Variants in PXDNL observed in about 807,000 individuals in gnomAD.
The protein encoded by PXDNL is probable oxidoreductase PXDNL.
PXDNL carries 145 observed loss-of-function variants against 150.8 expected under a neutral mutation model. That is an observed-to-expected ratio of 0.96 (90% CI 0.84 to 1.10). The LOEUF is 1.10. Ranked by LOEUF, PXDNL falls within the 50% of genes least tolerant of loss-of-function variation. The pLI, the probability that PXDNL is intolerant of heterozygous loss-of-function variation, is 0.00. For synonymous variants in PXDNL, 757 were observed against 725.7 expected, an observed-to-expected ratio of 1.04 and a Z score of -0.69; for missense variants, 2,087 against 1,873.9, an observed-to-expected ratio of 1.11 and a Z score of -2.10.
At chr8:51,580,089 A>T (rs1448217358) in intron 3 of PXDNL, among the ~76,000 whole-genome samples, 1 of 152,032 alleles carries the variant, frequency 6.6e-6, no homozygotes, top group Non-Finnish European at 1.5e-5. Flanking sequence ...TTTCCATTTA[A>T]ATAACATTTT....
intron 1 of PXDNL, among the ~76,000 whole-genome samples, chr8:51,738,633 A>G: frequency 2.4e-3 from 1 of 422 alleles, no homozygotes; most frequent in East Asian, 0.25. Context: ...TGACAGTGTA[A>G]AAAAAAAAGG....
At chr8:51,464,962 A>C (rs1018356415) in intron 8 of PXDNL, among the ~76,000 whole-genome samples, 2 of 152,206 alleles carry the variant, frequency 1.3e-5, no homozygotes, top group Non-Finnish European at 2.9e-5. Flanking sequence ...TCACAGCCAA[A>C]TTTTACCTGA....
Position 51,453,638 on chromosome 8 carries a change from A to G in PXDNL, c.1130T>C (p.Val377Ala), listed in dbSNP as rs1316106664. 6.2e-7 allele frequency: 1 copy of G among 1,613,894 alleles called. No individual in the cohort carries two copies. Among genetic ancestry groups the G allele is most frequent in the African/African-American group, 1.3e-5 (1 of 74,932 alleles). ...NGLELDGSRH[V>A]ATSSGLYLQN... ...TAAGTAAAGTCCACTGGACGTTGCC[A>G]CGTGCCTGGATCCATCCAGCTCCAA... is the stretch of plus-strand genomic sequence containing the variant. Residue 377 changes from valine (V) to alanine (A), a missense_variant, in exon 10 of 23, where the codon GTG becomes GCG. Physicochemically the swap from Val to Ala is moderately conservative, Grantham distance 64 (BLOSUM62 0). Transcript: ENST00000356297.
chr8:51,587,831 G>T (rs558353293), intron 3 of PXDNL, among the ~76,000 whole-genome samples: 2 of 152,264 alleles, frequency 1.3e-5, no homozygotes, highest in South Asian at 4.1e-4. Flanking sequence ...AATATTTAAT[G>T]AGTAGTTCCT....
intron 1 of PXDNL, among the ~76,000 whole-genome samples, chr8:51,698,991 T>A (rs1816197430): frequency 6.6e-6 from 1 of 152,158 alleles, no homozygotes; most frequent in African/African-American, 2.4e-5. Flanking sequence ...AACCTTGCGG[T>A]AAAGAAATGT....
chr8:51,599,839 A>T (rs1813659592), intron 2 of PXDNL, among the ~76,000 whole-genome samples: 1 of 136,826 alleles, frequency 7.3e-6, no homozygotes, highest in Admixed American at 7.6e-5. Flanking sequence ...TTTAGATAAT[A>T]AATTATACCT....
chr8:51,554,501 A>C (rs4873562), intron 4 of PXDNL, among the ~76,000 whole-genome samples: 55,339 of 152,048 alleles, frequency 0.36, 11,330 homozygotes, highest in African/African-American at 0.54. Flanking sequence ...TCTTTATGTT[A>C]CACTTCCCTT....
chr8:51,655,535 C>A (rs1032786091), intron 1 of PXDNL, among the ~76,000 whole-genome samples: 8 of 152,140 alleles, frequency 5.3e-5, no homozygotes, highest in African/African-American at 1.9e-4. Flanking sequence ...TTAGGGACTG[C>A]TCTGCCTAGA....
intron 5 of PXDNL, among the ~76,000 whole-genome samples, chr8:51,484,384 G>A (rs911785012): frequency 4.0e-5 from 6 of 148,508 alleles, no homozygotes; most frequent in African/African-American, 1.5e-4. Flanking sequence ...TTAGTGAGCC[G>A]AGATTGCACC....
intron 1 of PXDNL, among the ~76,000 whole-genome samples, chr8:51,677,741 T>C (rs1353088660): frequency 6.6e-6 from 1 of 152,254 alleles, no homozygotes; most frequent in African/African-American, 2.4e-5. Context: ...CTACTTCATA[T>C]AAAATCTTTT....
intron 2 of PXDNL, among the ~76,000 whole-genome samples, chr8:51,612,729 G>T (rs1334241442): frequency 6.6e-6 from 1 of 152,202 alleles, no homozygotes; most frequent in East Asian, 1.9e-4. Flanking sequence ...TCCTGGAAGA[G>T]CCCTCGCCAG....
At chr8:51,741,967 C>T (rs930842032) in intron 1 of PXDNL, among the ~76,000 whole-genome samples, 1 of 152,152 alleles carries the variant, frequency 6.6e-6, no homozygotes, top group Non-Finnish European at 1.5e-5. Flanking sequence ...ATTCATAACA[C>T]CCAAAATGTG....
chr8:51,715,323 CA>C lies in PXDNL; in HGVS notation c.165-60564del, dbSNP rs1816592114. On this transcript the variant is annotated intron_variant, in intron 1 of 22. Coordinates refer to ENST00000356297, the MANE Select transcript of PXDNL (RefSeq NM_144651.5). ...ATAAGATACACCTGATTTTGAATGGCAAAACAGAGAGGGTGAGAGATTGAGT... is the reference window on the plus strand; with the variant it reads ...ATAAGATACACCTGATTTTGAATGGCAAACAGAGAGGGTGAGAGATTGAGT... Among the ~76,000 whole-genome samples the C allele has an allele frequency of 7.2e-5, 11 of 152,202 alleles. No individual in the cohort carries two copies. In the South Asian group the frequency reaches 2.3e-3, roughly 32 times the overall value.
At chr8:51,732,672 C>T (rs897263795) in intron 1 of PXDNL, among the ~76,000 whole-genome samples, 3 of 152,150 alleles carry the variant, frequency 2.0e-5, no homozygotes, top group Non-Finnish European at 4.4e-5. Flanking sequence ...ACTCACATTT[C>T]CACATAGCTG....
intron 1 of PXDNL, among the ~76,000 whole-genome samples, chr8:51,805,646 T>C (rs1412054832): frequency 6.6e-6 from 1 of 152,030 alleles, no homozygotes. Flanking sequence ...AAGAAAGCTT[T>C]CCACATAAAG....
At chr8:51,579,551 C>A (rs1367803549) in intron 3 of PXDNL, among the ~76,000 whole-genome samples, 1 of 151,958 alleles carries the variant, frequency 6.6e-6, no homozygotes, top group Non-Finnish European at 1.5e-5. Context: ...TAAAACCAAA[C>A]ATCCAATTAC....
chr8:51,660,181 C>T (rs545820220), intron 1 of PXDNL, among the ~76,000 whole-genome samples: 8 of 101,526 alleles, frequency 7.9e-5, no homozygotes, highest in African/African-American at 2.3e-4. Flanking sequence ...TGAGCCACCG[C>T]GCCCAGCCCA....
rs187555563 is a variant in PXDNL, at chr8:51,766,005, G to A, written c.164+43176C>T. Among the ~76,000 whole-genome samples, 377 of 151,988 alleles carry A rather than the reference G, an allele frequency of 2.5e-3. 3 individuals carry two copies. Among genetic ancestry groups the A allele is most frequent in the African/African-American group, 8.5e-3 (351 of 41,458 alleles). ...ACTACAGGCGCCCGCCACCATGCCC[G>A]CCTAATTTTTTGTATTTTTTAGTAG... On this transcript the variant is annotated intron_variant, in intron 1 of 22. Transcript: ENST00000356297.
chr8:51,641,683 A>G (rs1042322832), intron 2 of PXDNL, among the ~76,000 whole-genome samples: 5 of 151,436 alleles, frequency 3.3e-5, no homozygotes, highest in Non-Finnish European at 5.9e-5. Flanking sequence ...TTAGAATGGC[A>G]ATCATTAAAA....
Sources: gnomAD v4.1 joint callset for allele counts (sites outside exome capture counted in the v4.1 genomes callset) on GRCh38, gnomAD v4.1.1 for gene constraint, MANE v1.5 for transcripts, NCBI Gene and HGNC (gene_info 2026-07-23, HGNC 2026-07-21) for gene names.